The following CTNNA3 variants were observed in gnomAD, a reference collection of about 807,000 sequenced individuals.
CTNNA3 encodes catenin alpha 3.
Under a neutral mutation model 95.7 loss-of-function variants are expected in CTNNA3, and 76 were observed. That is an observed-to-expected ratio of 0.79 (90% CI 0.66 to 0.96). CTNNA3 has a LOEUF of 0.96. Ranked by LOEUF, CTNNA3 falls within the 40% of genes least tolerant of loss-of-function variation. The pLI is 0.00. For missense variants in CTNNA3, 1,191 were observed against 1,089.8 expected (o/e 1.09, Z -1.31); for synonymous variants, 431 against 374.4 (o/e 1.15, Z -1.74).
At position 66,766,370 on chromosome 10, in the gene CTNNA3, G is replaced by T. The variant is rs146777494; in HGVS notation, c.1175C>A (p.Thr392Lys). 6.2e-7 allele frequency: 1 copy of T among 1,613,324 alleles called. No individual in the cohort carries two copies. The highest frequency in any genetic ancestry group is 8.5e-7 in the Non-Finnish European group (1 of 1,179,590). Reference protein sequence around the residue: ...IDHVSDSFLDTTVPLLVLIEA... With the variant: ...IDHVSDSFLDKTVPLLVLIEA... ...AATGAGAACCAAAAGAGGGACTGTCGTATCCAGGAAAGAGTCTGACACATG... is the reference window on the plus strand; with the variant it reads ...AATGAGAACCAAAAGAGGGACTGTCTTATCCAGGAAAGAGTCTGACACATG... The change falls in exon 9 of 18, where the codon ACG becomes AAG. Residue 392 changes from threonine to lysine, a missense_variant. Physicochemically the swap from Thr to Lys is moderately conservative, Grantham distance 78. Transcript: ENST00000433211.
chr10:66,261,831 G>C (rs755169959), intron 13 of CTNNA3, among the ~76,000 whole-genome samples: 31 of 151,858 alleles, frequency 2.0e-4, no homozygotes, highest in South Asian at 6.2e-4. Flanking sequence ...ATCAACATGA[G>C]ATGGTTTCTT....
chr10:65,945,671 G>A (rs1446331127), intron 17 of CTNNA3, among the ~76,000 whole-genome samples: 1 of 152,138 alleles, frequency 6.6e-6, no homozygotes. Flanking sequence ...ATGGAACTGG[G>A]GAATGAGGAG....
intron 9 of CTNNA3, among the ~76,000 whole-genome samples, chr10:66,726,412 C>T (rs1044851274): frequency 6.6e-6 from 1 of 152,012 alleles, no homozygotes; most frequent in Non-Finnish European, 1.5e-5. Context: ...ACGTGGTTTG[C>T]TAAGCTAATT....
chr10:66,980,552 A>G (rs745899496), intron 7 of CTNNA3, among the ~76,000 whole-genome samples: 8 of 152,082 alleles, frequency 5.3e-5, no homozygotes, highest in Admixed American at 2.6e-4. Flanking sequence ...AACCAAAACT[A>G]TTGAGACCTT....
intron 7 of CTNNA3, among the ~76,000 whole-genome samples, chr10:67,153,587 C>A (rs1451668120): frequency 3.3e-5 from 5 of 152,158 alleles, no homozygotes; most frequent in Admixed American, 1.3e-4. Flanking sequence ...CCGACAGCAG[C>A]GATCTTTCTA....
At chr10:66,445,920 C>A (rs890360844) in intron 11 of CTNNA3, among the ~76,000 whole-genome samples, 1 of 151,954 alleles carries the variant, frequency 6.6e-6, no homozygotes, top group African/African-American at 2.4e-5. Context: ...AATTGATAGA[C>A]CGCTATCAAG....
chr10:67,509,548 T>C (rs1353233667), intron 5 of CTNNA3, among the ~76,000 whole-genome samples: 4 of 152,232 alleles, frequency 2.6e-5, no homozygotes, highest in Non-Finnish European at 4.4e-5. Flanking sequence ...TGTATAGTAT[T>C]CCATGGTGTA....
chr10:66,384,241 G>A (rs1425353473), intron 11 of CTNNA3, among the ~76,000 whole-genome samples: 1 of 152,068 alleles, frequency 6.6e-6, no homozygotes, highest in African/African-American at 2.4e-5. Flanking sequence ...AAAATAAAGG[G>A]AGGGAGGAAG....
intron 5 of CTNNA3, among the ~76,000 whole-genome samples, chr10:67,290,556 T>C (rs1190855761): frequency 6.6e-6 from 1 of 152,174 alleles, no homozygotes; most frequent in Non-Finnish European, 1.5e-5. Flanking sequence ...ATTATCACTT[T>C]GAATCTTCAC....
chr10:67,728,474 T>G (rs1388671029), intron 1 of CTNNA3, among the ~76,000 whole-genome samples: 1 of 151,280 alleles, frequency 6.6e-6, no homozygotes, highest in Non-Finnish European at 1.5e-5. Context: ...TATTTTTTCT[T>G]TTTTGAGACA....
intron 5 of CTNNA3, among the ~76,000 whole-genome samples, chr10:67,453,928 T>C (rs979791031): frequency 2.0e-5 from 3 of 152,208 alleles, no homozygotes; most frequent in African/African-American, 7.2e-5. Context: ...AAGCCATATG[T>C]ATACTTAAAA....
intron 10 of CTNNA3, among the ~76,000 whole-genome samples, chr10:66,544,627 C>A (rs12254713): frequency 6.6e-6 from 1 of 152,002 alleles, no homozygotes; most frequent in South Asian, 2.1e-4. Context: ...ACCATCTAGT[C>A]GTACCATTTG....
At chr10:66,114,093 G>A (rs191446436) in intron 13 of CTNNA3, among the ~76,000 whole-genome samples, 88 of 152,182 alleles carry the variant, frequency 5.8e-4, no homozygotes, top group African/African-American at 1.4e-3. Context: ...TCAGAACACC[G>A]GTGCCATGAA....
intron 13 of CTNNA3, among the ~76,000 whole-genome samples, chr10:66,240,978 A>T (rs1318146279): frequency 6.6e-6 from 1 of 152,116 alleles, no homozygotes; most frequent in Non-Finnish European, 1.5e-5. Context: ...AGGATTTCAA[A>T]TAAAAATAAG....
intron 7 of CTNNA3, among the ~76,000 whole-genome samples, chr10:66,884,486 G>A (rs974234126): frequency 1.3e-5 from 2 of 152,038 alleles, no homozygotes; most frequent in South Asian, 2.1e-4. Flanking sequence ...AACCCCATGG[G>A]GAGACCCATG....
intron 11 of CTNNA3, among the ~76,000 whole-genome samples, chr10:66,441,535 C>T (rs2093375567): frequency 6.6e-6 from 1 of 152,046 alleles, no homozygotes; most frequent in African/African-American, 2.4e-5. Context: ...TTTGCTATTC[C>T]AAGACTAAAT....
chr10:66,082,297 G>A (rs2080796415), intron 14 of CTNNA3, among the ~76,000 whole-genome samples: 1 of 152,040 alleles, frequency 6.6e-6, no homozygotes, highest in South Asian at 2.1e-4. Flanking sequence ...TTGATGGACT[G>A]AGAAGGACAT....
chr10:66,245,283 A>G (rs10822776), intron 13 of CTNNA3, among the ~76,000 whole-genome samples: 149,979 of 152,288 alleles, frequency 0.98, 73,874 homozygotes, highest in East Asian at 1. Context: ...ATTGGTGCCC[A>G]GAAGCTCAGA....
Position 67,186,020 on chromosome 10 carries a change from C to T in CTNNA3, c.844-5500G>A, listed in dbSNP as rs118010059. On this transcript the variant is annotated intron_variant, in intron 6 of 17. Coordinates refer to ENST00000433211, the MANE Select transcript of CTNNA3 (RefSeq NM_013266.4). ...CAGCCTAGACTACAGAGCAAGACTC[C>T]GTCTCACAAAAAAAAAAAAAAAAAA... 0.012 allele frequency among the ~76,000 whole-genome samples: 1,687 copies of T among 144,292 alleles called. 91 individuals carry two copies. The East Asian group carries it at 0.17, about 15-fold the overall frequency. The allele number at this position is 144,292 out of a possible 152,430, so 94.7% of individuals were successfully genotyped here.
Sources: allele counts gnomAD v4.1 joint callset (sites outside exome capture counted in the v4.1 genomes callset), GRCh38; gene constraint gnomAD v4.1.1; transcripts MANE v1.5; gene names NCBI Gene and HGNC (gene_info 2026-07-23, HGNC 2026-07-21).